The following BNC2 variants were observed in gnomAD, a reference collection of about 807,000 sequenced individuals.
The protein encoded by BNC2 is zinc finger protein basonuclin-2.
Under a neutral mutation model 76.3 loss-of-function variants are expected in BNC2, and 20 were observed. That is an observed-to-expected ratio of 0.26 (90% CI 0.18 to 0.38). The LOEUF is 0.38. Among genes scored for constraint, BNC2 ranks in the 10% least tolerant of loss-of-function variants. BNC2 has a pLI of 1.00. For synonymous variants in BNC2, 582 were observed against 514.8 expected (o/e 1.13, Z -1.77); for missense variants, 1,382 against 1,399.8 (o/e 0.99, Z 0.20).
intron 5 of BNC2, among the ~76,000 whole-genome samples, chr9:16,449,058 T>G (rs1821286019): frequency 1.3e-5 from 2 of 152,150 alleles, no homozygotes; most frequent in Admixed American, 1.3e-4. Flanking sequence ...AAATACAGAA[T>G]AATCAGAGTA....
chr9:16,771,632 T>C (rs1563935581), intron 1 of BNC2, among the ~76,000 whole-genome samples: 1 of 152,212 alleles, frequency 6.6e-6, no homozygotes, highest in Non-Finnish European at 1.5e-5. Flanking sequence ...ATACATGAAC[T>C]ATAATGACAA....
chr9:16,823,067 A>G (rs1049680628), intron 1 of BNC2, among the ~76,000 whole-genome samples: 5 of 152,204 alleles, frequency 3.3e-5, no homozygotes, highest in African/African-American at 1.2e-4. Flanking sequence ...TACTACTCCA[A>G]GCTATCAAAT....
intron 4 of BNC2, among the ~76,000 whole-genome samples, chr9:16,565,192 G>A (rs2132737326): frequency 6.6e-6 from 1 of 152,144 alleles, no homozygotes; most frequent in South Asian, 2.1e-4. Context: ...TCTTTCCTCT[G>A]TTCAAAATTT....
intron 3 of BNC2, among the ~76,000 whole-genome samples, chr9:16,697,341 C>T (rs10756781): frequency 0.6 from 91,554 of 151,454 alleles, 31,285 homozygotes; most frequent in Non-Finnish European, 0.79. Flanking sequence ...CGAGACTCCA[C>T]CTCAAAATAT....
intron 4 of BNC2, among the ~76,000 whole-genome samples, chr9:16,573,494 C>T (rs185122326): frequency 6.6e-6 from 1 of 151,260 alleles, no homozygotes; most frequent in African/African-American, 2.5e-5. Context: ...TGTTCAAAGC[C>T]ATAACAGTGG....
At position 16,738,478 on chromosome 9, in the gene BNC2, A is replaced by G; in HGVS notation, c.11T>C (p.Leu4Pro). The G allele has an allele frequency of 6.2e-7, 1 of 1,614,030 alleles. No individual in the cohort carries two copies. Among genetic ancestry groups the G allele is most frequent in the South Asian group, 1.1e-5 (1 of 91,044 alleles). Residue 4 changes from leucine to proline, a missense_variant, in exon 2 of 7, where the codon CTT (leucine) becomes CCT (proline). Coordinates refer to ENST00000380672, the MANE Select transcript of BNC2 (RefSeq NM_017637.6). ...GCTATGTGGAGGTGGGGTGGGCCCA[A>G]GGTGTGCCTATTGAGAGATTGGGAA... MAH[L>P]GPTPPPHSLN...
At chr9:16,784,617 A>G (rs959575815) in intron 1 of BNC2, among the ~76,000 whole-genome samples, 2 of 152,208 alleles carry the variant, frequency 1.3e-5, no homozygotes, top group Non-Finnish European at 2.9e-5. Context: ...AGAGTCTGCA[A>G]TAAATGAAGT....
At chr9:16,784,439 T>C (rs1826228424) in intron 1 of BNC2, among the ~76,000 whole-genome samples, 1 of 152,184 alleles carries the variant, frequency 6.6e-6, no homozygotes, top group Non-Finnish European at 1.5e-5. Context: ...GACAAAGTAA[T>C]AAGTGCCTTA....
intron 2 of BNC2, among the ~76,000 whole-genome samples, chr9:16,733,386 T>A (rs964085581): frequency 2.6e-5 from 4 of 152,136 alleles, no homozygotes; most frequent in African/African-American, 4.8e-5. Context: ...GGGGAAAAAA[T>A]TTTTGACTCA....
intron 3 of BNC2, among the ~76,000 whole-genome samples, chr9:16,715,194 A>G (rs1019234768): frequency 1.3e-5 from 2 of 152,240 alleles, no homozygotes; most frequent in African/African-American, 4.8e-5. Context: ...TTCAGAATTC[A>G]GAAATCTTTT....
At position 16,842,127 on chromosome 9, in the gene BNC2, G is replaced by C. The variant is rs537244021; in HGVS notation, c.3+28519C>G. On this transcript the variant is annotated intron_variant, in intron 1 of 6. Transcript: ENST00000380672. ...CCCGGCCTGCAAGACATTATTTAATGCACATATTTTTTGGAGTTTTGAAGC... is the reference window on the plus strand; with the variant it reads ...CCCGGCCTGCAAGACATTATTTAATCCACATATTTTTTGGAGTTTTGAAGC... 1.3e-4 allele frequency among the ~76,000 whole-genome samples: 20 copies of C among 152,192 alleles called. 1 individual carries two copies. The South Asian group carries it at 3.3e-3, about 25-fold the overall frequency.
At position 16,793,893 on chromosome 9, in the gene BNC2, G is replaced by T. The variant is rs1299744533; in HGVS notation, c.4-55408C>A. On this transcript the variant is annotated intron_variant, in intron 1 of 6. Transcript: ENST00000380672. ...GTTTTTTTTTTTTTTTAGTAGAGAC[G>T]GAGTTTCACCGTGTTAGCCAGGATG... Among the ~76,000 whole-genome samples, 8 of 135,476 alleles carry T rather than the reference G, an allele frequency of 5.9e-5. No homozygotes were observed. The South Asian group carries it at 7.0e-4, about 12-fold the overall frequency. 88.9% of individuals were successfully genotyped at this position (135,476 alleles called of 152,430 possible). A position where few individuals can be genotyped will look rare whatever the true frequency, so the allele number is the denominator to read the frequency against.
At chr9:16,480,541 C>T (rs763580094) in intron 5 of BNC2, among the ~76,000 whole-genome samples, 24 of 152,132 alleles carry the variant, frequency 1.6e-4, no homozygotes, top group Non-Finnish European at 2.4e-4. Flanking sequence ...GGGCTGCAGG[C>T]GGCGCTTGCG....
Position 16,413,547 on chromosome 9 carries a change from G to A in BNC2, c.*5442C>T, listed in dbSNP as rs1431930366. ...ATCATTTTGCGCAAGATGTGGGAAGGATGAGGATGATGAAACTACACAAGG... is the reference window on the plus strand; with the variant it reads ...ATCATTTTGCGCAAGATGTGGGAAGAATGAGGATGATGAAACTACACAAGG... On this transcript the variant is annotated 3_prime_UTR_variant, in exon 7 of 7. Coordinates refer to ENST00000380672, the MANE Select transcript of BNC2 (RefSeq NM_017637.6). The A allele has an allele frequency of 1.3e-5, 2 of 152,176 alleles. No individual in the cohort carries two copies. Among genetic ancestry groups the A allele is most frequent in the East Asian group, 1.9e-4 (1 of 5,188 alleles). The allele number at this position is 152,176 out of a possible 1,614,324, so 9.4% of individuals were successfully genotyped here.
At chr9:16,552,086 C>A (rs1035815856) in intron 5 of BNC2, among the ~76,000 whole-genome samples, 4 of 152,000 alleles carry the variant, frequency 2.6e-5, no homozygotes, top group African/African-American at 9.7e-5. Context: ...AAAATGTGTA[C>A]CTTTAGGTAC....
At position 16,414,640 on chromosome 9, in the gene BNC2, ACT is replaced by A. The variant is rs1820545955; in HGVS notation, c.*4347_*4348del. 6.6e-6 allele frequency: 1 copy of A among 152,174 alleles called. No homozygotes were observed. The allele number at this position is 152,174 out of a possible 1,614,324, so 9.4% of individuals were successfully genotyped here. On this transcript the variant is annotated 3_prime_UTR_variant, in exon 7 of 7. Coordinates refer to ENST00000380672, the MANE Select transcript of BNC2 (RefSeq NM_017637.6). ...GTCTTATGACAGGTGAATTTTATTT[ACT>A]CTGTTAGTCAATCTAACCCAATGCT... is the stretch of plus-strand genomic sequence containing the variant.
At chr9:16,576,840 C>T (rs557986973) in intron 4 of BNC2, among the ~76,000 whole-genome samples, 5 of 152,286 alleles carry the variant, frequency 3.3e-5, no homozygotes, top group Non-Finnish European at 7.3e-5. Context: ...TGGGTTTAAG[C>T]GATTCTCATG....
intron 3 of BNC2, among the ~76,000 whole-genome samples, chr9:16,683,426 G>C (rs1254819026): frequency 1.3e-5 from 2 of 152,156 alleles, no homozygotes; most frequent in Non-Finnish European, 2.9e-5. Flanking sequence ...TGTACGGAAG[G>C]TTATTCTCAG....
intron 4 of BNC2, among the ~76,000 whole-genome samples, chr9:16,582,488 C>A (rs1819652740): frequency 6.6e-6 from 1 of 152,138 alleles, no homozygotes; most frequent in South Asian, 2.1e-4. Context: ...CAGATACCAG[C>A]CAAATAATGT....
Sources: gnomAD v4.1 joint callset for allele counts (sites outside exome capture counted in the v4.1 genomes callset) on GRCh38, gnomAD v4.1.1 for gene constraint, MANE v1.5 for transcripts, NCBI Gene and HGNC (gene_info 2026-07-23, HGNC 2026-07-21) for gene names.